DACH2: variants seen among roughly 807,000 people sequenced by gnomAD.
The protein encoded by DACH2 is dachshund family transcription factor 2, also known as dachshund homolog 2.
In DACH2, 17 loss-of-function variants were observed where a neutral mutation model predicts 35.8. The ratio of observed to expected loss-of-function variants is 0.48; its 90% CI spans 0.33 to 0.71. DACH2 has a LOEUF of 0.71. Among genes scored for constraint, DACH2 ranks in the 30% least tolerant of loss-of-function variants. DACH2 has a pLI of 0.02. For missense variants in DACH2, 469 were observed against 472.7 expected, an observed-to-expected ratio of 0.99 and a Z score of 0.07; for synonymous variants, 195 against 177.3, an observed-to-expected ratio of 1.10 and a Z score of -0.79.
At chrX:86,657,009 C>A (rs751782660) in intron 4 of DACH2, among the ~76,000 whole-genome samples, 37 of 106,258 alleles carry the variant, frequency 3.5e-4, no homozygotes, top group Non-Finnish European at 6.0e-4. Flanking sequence ...ACAAACTTTG[C>A]ATATTCTCAC....
At chrX:86,563,378 C>T (rs1236994564) in intron 3 of DACH2, among the ~76,000 whole-genome samples, 2 of 110,666 alleles carry the variant, frequency 1.8e-5, no homozygotes, top group Non-Finnish European at 3.8e-5. Flanking sequence ...TGACCACTTA[C>T]ATGGGTATTG....
At chrX:86,692,118 ACTC>A (rs955190367) in intron 4 of DACH2, among the ~76,000 whole-genome samples, 2 of 111,371 alleles carry the variant, frequency 1.8e-5, no homozygotes, top group Non-Finnish European at 3.8e-5. Context: ...AATGTTCCAC[ACTC>A]CTCAGCCGCT....
chrX:86,479,938 A>C (rs993786334), intron 2 of DACH2, among the ~76,000 whole-genome samples: 3 of 112,606 alleles, frequency 2.7e-5, no homozygotes, highest in African/African-American at 9.7e-5. Flanking sequence ...CTTGTTCTGA[A>C]AGGCCACGTA....
chrX:86,816,532 GA>G (rs1022520596), intron 11 of DACH2, among the ~76,000 whole-genome samples: 1 of 111,968 alleles, frequency 8.9e-6, no homozygotes, highest in African/African-American at 3.2e-5. Context: ...TCAAAATTTT[GA>G]AGGTATTCAA....
chrX:86,469,898 A>G (rs180818949), intron 2 of DACH2, among the ~76,000 whole-genome samples: 4 of 109,278 alleles, frequency 3.7e-5, no homozygotes, highest in African/African-American at 1.3e-4. Flanking sequence ...TAGATCTGTA[A>G]TAAGTGCTAA....
intron 7 of DACH2, among the ~76,000 whole-genome samples, chrX:86,806,534 G>A (rs2042346667): frequency 9.0e-6 from 1 of 111,601 alleles, no homozygotes. Flanking sequence ...AATATGTTGG[G>A]GATGGGACTC....
intron 3 of DACH2, among the ~76,000 whole-genome samples, chrX:86,520,595 G>A (rs1293508524): frequency 1.8e-5 from 2 of 111,680 alleles, no homozygotes; most frequent in Non-Finnish European, 3.8e-5. Context: ...TCTGGGTTGA[G>A]TGCATATATA....
chrX:86,333,170 T>G (rs925448595), intron 1 of DACH2, among the ~76,000 whole-genome samples: 5 of 112,183 alleles, frequency 4.5e-5, no homozygotes, highest in African/African-American at 1.6e-4. Context: ...CTTCTTTAAT[T>G]CTCTTGATTT....
At chrX:86,785,006 C>A (rs1436088658) in intron 7 of DACH2, among the ~76,000 whole-genome samples, 2 of 110,561 alleles carry the variant, frequency 1.8e-5, no homozygotes, top group Admixed American at 1.9e-4. Context: ...GAGAGATGAT[C>A]AAAAAACTAC....
chrX:86,662,254 G>A (rs1418616751), intron 4 of DACH2, among the ~76,000 whole-genome samples: 1 of 111,279 alleles, frequency 9.0e-6, no homozygotes, highest in African/African-American at 3.3e-5. Context: ...GGAAATGTAG[G>A]CAGAGTAAAG....
chrX:86,546,356 CCTCTTCTTCTTCT>C (rs2038959169), intron 3 of DACH2, among the ~76,000 whole-genome samples: 1 of 68,017 alleles, frequency 1.5e-5, no homozygotes, highest in Non-Finnish European at 2.9e-5. Context: ...TCTTCTTCTT[CCTCTTCTTCTTCT>C]TCTTCTTCTT....
intron 3 of DACH2, among the ~76,000 whole-genome samples, chrX:86,522,337 T>C (rs2038567743): frequency 8.9e-6 from 1 of 111,795 alleles, no homozygotes; most frequent in Admixed American, 9.5e-5. Flanking sequence ...GTGAGATCTG[T>C]TATACAAGTA....
chrX:86,824,325 A>G (rs1205117007), intron 11 of DACH2, among the ~76,000 whole-genome samples: 1 of 112,051 alleles, frequency 8.9e-6, no homozygotes, highest in East Asian at 2.8e-4. Flanking sequence ...CTCTGCAAGA[A>G]GAAAAATATG....
At position 86,404,458 on chromosome X, in the gene DACH2, G is replaced by A. The variant is rs542303002; in HGVS notation, c.527+27596G>A. Among the ~76,000 whole-genome samples, 119 of 112,125 alleles carry A rather than the reference G, an allele frequency of 1.1e-3. 1 individual carries two copies. Among genetic ancestry groups the A allele is most frequent in the Admixed American group, 1.6e-3 (17 of 10,618 alleles). ...CCCCATGCAAGTCCAAAATCCAATAGGGCAGTCATTTAACCTTAAAGTTCC... is the reference window on the plus strand; with the variant it reads ...CCCCATGCAAGTCCAAAATCCAATAAGGCAGTCATTTAACCTTAAAGTTCC... On this transcript the variant is annotated intron_variant, in intron 2 of 11. Transcript: ENST00000373125.
intron 7 of DACH2, among the ~76,000 whole-genome samples, chrX:86,769,422 C>A (rs888010090): frequency 1.1e-4 from 12 of 112,091 alleles, no homozygotes; most frequent in African/African-American, 3.9e-4. Flanking sequence ...TCATTTTGTG[C>A]AGAATTAGAA....
At chrX:86,546,416 T>TCCTTCTTCTTC (rs2038969147) in intron 3 of DACH2, among the ~76,000 whole-genome samples, 1 of 90,319 alleles carries the variant, frequency 1.1e-5, no homozygotes, top group Non-Finnish European at 2.1e-5. Flanking sequence ...TTCTTCTTCT[T>TCCTTCTTCTTC]CTTTCTTCTT....
rs187861860 is a variant in DACH2 at position 86,774,813 on chromosome X, C to T, written c.1240+34931C>T. 1.7e-3 allele frequency among the ~76,000 whole-genome samples: 189 copies of T among 111,980 alleles called. 1 individual carries two copies. Among genetic ancestry groups the T allele is most frequent in the African/African-American group, 6.0e-3 (184 of 30,852 alleles). The stretch of plus-strand genomic sequence containing the variant: ...GTGTGCCTGCATGTTTGTATACACA[C>T]GAATGACCATACACTTGTGCGTCAG... On this transcript the variant is annotated intron_variant, in intron 7 of 11. Transcript: ENST00000373125.
chrX:86,461,042 C>A (rs138602595), intron 2 of DACH2, among the ~76,000 whole-genome samples: 203 of 110,817 alleles, frequency 1.8e-3, no homozygotes, highest in African/African-American at 6.4e-3. Flanking sequence ...AACAATAAAC[C>A]CACCGAAATG....
At chrX:86,455,433 A>G (rs1415908519) in intron 2 of DACH2, among the ~76,000 whole-genome samples, 2 of 110,662 alleles carry the variant, frequency 1.8e-5, no homozygotes, top group Non-Finnish European at 3.8e-5. Flanking sequence ...TCCCCCCGAA[A>G]CTCTGTCCCA....
Sources: allele counts gnomAD v4.1 joint callset (sites outside exome capture counted in the v4.1 genomes callset), GRCh38; gene constraint gnomAD v4.1.1; transcripts MANE v1.5; gene names NCBI Gene and HGNC (gene_info 2026-07-23, HGNC 2026-07-21).